FNDC3B: variants seen among roughly 807,000 people sequenced by gnomAD.
FNDC3B encodes fibronectin type III domain containing 3B.
Under a neutral mutation model 151.5 loss-of-function variants are expected in FNDC3B, and 12 were observed. The observed-to-expected ratio is 0.08, with a 90% CI of 0.05 to 0.13. The LOEUF is 0.13. Ranked by LOEUF, FNDC3B falls within the 10% of genes least tolerant of loss-of-function variation. The pLI is 1.00. For synonymous variants in FNDC3B, 528 were observed against 549.0 expected, an observed-to-expected ratio of 0.96 and a Z score of 0.54; for missense variants, 1,214 against 1,505.3, an observed-to-expected ratio of 0.81 and a Z score of 3.20.
intron 1 of FNDC3B, among the ~76,000 whole-genome samples, chr3:172,043,586 A>T (rs1377524006): frequency 6.6e-6 from 1 of 152,154 alleles, no homozygotes; most frequent in Non-Finnish European, 1.5e-5. Flanking sequence ...TGCTCTTTAG[A>T]TCTCTTAGTT....
chr3:172,264,949 A>G (rs1291936129), intron 6 of FNDC3B, among the ~76,000 whole-genome samples: 10 of 152,026 alleles, frequency 6.6e-5, no homozygotes, highest in African/African-American at 1.9e-4. Flanking sequence ...CCTTTTGTCC[A>G]TTTTTATCTT....
chr3:172,195,568 T>C (rs769497752), intron 3 of FNDC3B, among the ~76,000 whole-genome samples: 1 of 152,264 alleles, frequency 6.6e-6, no homozygotes, highest in Non-Finnish European at 1.5e-5. Context: ...AACTTAGCTC[T>C]CTTCCACATT....
At chr3:172,201,552 A>T (rs1725155007) in intron 3 of FNDC3B, among the ~76,000 whole-genome samples, 2 of 152,142 alleles carry the variant, frequency 1.3e-5, no homozygotes, top group South Asian at 4.1e-4. Context: ...TTTCCCTATC[A>T]TGGGCCTTTT....
chr3:172,220,609 C>T (rs566766307), intron 3 of FNDC3B, among the ~76,000 whole-genome samples: 1 of 152,158 alleles, frequency 6.6e-6, no homozygotes, highest in East Asian at 1.9e-4. Flanking sequence ...AGATTTACTT[C>T]TGTTTTCTTC....
At chr3:172,261,356 C>T (rs1728638841) in intron 6 of FNDC3B, among the ~76,000 whole-genome samples, 1 of 152,134 alleles carries the variant, frequency 6.6e-6, no homozygotes. Flanking sequence ...CATTGCTTCT[C>T]CTTCTGTGGA....
At chr3:172,124,318 C>A (rs1223985555) in intron 2 of FNDC3B, among the ~76,000 whole-genome samples, 1 of 152,206 alleles carries the variant, frequency 6.6e-6, no homozygotes, top group Non-Finnish European at 1.5e-5. Flanking sequence ...CTCGAAGTCC[C>A]AGCCTCAAGT....
intron 23 of FNDC3B, among the ~76,000 whole-genome samples, chr3:172,363,895 G>A (rs868221114): frequency 2.0e-5 from 3 of 152,234 alleles, no homozygotes; most frequent in African/African-American, 7.2e-5. Context: ...TAGTGTCAGA[G>A]GAAAAAATTG....
chr3:172,145,117 A>G (rs952396895), intron 3 of FNDC3B, among the ~76,000 whole-genome samples: 1 of 151,342 alleles, frequency 6.6e-6, no homozygotes, highest in African/African-American at 2.4e-5. Context: ...ACCTTTTTGG[A>G]TGCTTTATAT....
intron 3 of FNDC3B, among the ~76,000 whole-genome samples, chr3:172,153,579 C>A (rs940608209): frequency 6.6e-6 from 1 of 152,204 alleles, no homozygotes; most frequent in Non-Finnish European, 1.5e-5. Context: ...GGAACAAATT[C>A]AGAGGGGAAA....
chr3:172,163,808 A>G (rs2108622204), intron 3 of FNDC3B, among the ~76,000 whole-genome samples: 1 of 152,334 alleles, frequency 6.6e-6, no homozygotes, highest in Middle Eastern at 3.4e-3. Context: ...TTTCTTCAAA[A>G]TAGTTACCAA....
intron 3 of FNDC3B, among the ~76,000 whole-genome samples, chr3:172,171,943 T>C (rs1026855653): frequency 6.6e-6 from 1 of 152,180 alleles, no homozygotes; most frequent in African/African-American, 2.4e-5. Flanking sequence ...AAAGTAGATA[T>C]GTTTGTAGCA....
At chr3:172,281,209 T>TCATTTA in intron 6 of FNDC3B, among the ~76,000 whole-genome samples, 1 of 117,456 alleles carries the variant, frequency 8.5e-6, no homozygotes, top group Non-Finnish European at 1.8e-5. Context: ...CTTATTATTA[T>TCATTTA]TATTTATATT....
chr3:172,112,270 T>A (rs1720014291), intron 1 of FNDC3B, among the ~76,000 whole-genome samples, 182 bp from the exon 2 acceptor site: 1 of 152,232 alleles, frequency 6.6e-6, no homozygotes, highest in South Asian at 2.1e-4. Context: ...TGTCTCCTAG[T>A]TCAGGCTATT....
chr3:172,088,913 T>C (rs1281714011), intron 1 of FNDC3B, among the ~76,000 whole-genome samples: 2 of 152,232 alleles, frequency 1.3e-5, no homozygotes, highest in African/African-American at 2.4e-5. Flanking sequence ...ATATTTTTAC[T>C]CATTTATTCA....
At chr3:172,353,148 C>A in intron 22 of FNDC3B, 65 bp downstream of exon 22, 3 of 1,483,884 alleles carry the variant, frequency 2.0e-6, no homozygotes, top group South Asian at 1.2e-5. Flanking sequence ...GTAAACCTCT[C>A]GGGGAAAATG....
chr3:172,285,810 G>T (rs1309215422), intron 6 of FNDC3B, 116 bp from the exon 7 acceptor site: 1 of 725,094 alleles, frequency 1.4e-6, no homozygotes, highest in East Asian at 2.7e-5. Flanking sequence ...AAAAATTCAT[G>T]ATAACAGGCA....
At chr3:172,294,772 G>A (rs1385489131) in intron 7 of FNDC3B, among the ~76,000 whole-genome samples, 2 of 152,230 alleles carry the variant, frequency 1.3e-5, no homozygotes, top group African/African-American at 4.8e-5. Context: ...GGTATTTTAA[G>A]TCCCAGAGTC....
chr3:172,122,560 G>T (rs1341056246), intron 2 of FNDC3B, among the ~76,000 whole-genome samples: 2 of 152,232 alleles, frequency 1.3e-5, no homozygotes, highest in African/African-American at 4.8e-5. Context: ...GCCTACATTG[G>T]TATTTCTTCC....
intron 25 of FNDC3B, among the ~76,000 whole-genome samples, chr3:172,393,279 G>A (rs1736113306): frequency 6.6e-6 from 1 of 152,202 alleles, no homozygotes; most frequent in Non-Finnish European, 1.5e-5. Context: ...GTCAAAAACT[G>A]TAAAAAGAGA....
Sources: allele counts gnomAD v4.1 joint callset (sites outside exome capture counted in the v4.1 genomes callset), GRCh38; gene constraint gnomAD v4.1.1; transcripts MANE v1.5; gene names NCBI Gene and HGNC (gene_info 2026-07-23, HGNC 2026-07-21).